Variants in RFTN1 observed in about 807,000 individuals in gnomAD.
RFTN1 encodes the protein raftlin.
A neutral mutation model predicts 46.5 loss-of-function variants in RFTN1; 26 were observed. The ratio of observed to expected loss-of-function variants is 0.56; its 90% CI spans 0.41 to 0.78. RFTN1 has a LOEUF of 0.78. Among genes scored for constraint, RFTN1 ranks in the 30% least tolerant of loss-of-function variants. The pLI is 0.00. For synonymous variants in RFTN1, 261 were observed against 284.2 expected (o/e 0.92, Z 0.82); for missense variants, 693 against 718.7 (o/e 0.96, Z 0.41).
At position 16,368,299 on chromosome 3, in the gene RFTN1, G is replaced by A. The variant is rs577610068; in HGVS notation, c.1030+1777C>T. 1.2e-4 allele frequency among the ~76,000 whole-genome samples: 18 copies of A among 152,344 alleles called. 1 individual carries two copies. The South Asian group carries it at 3.5e-3, about 30-fold the overall frequency. ...TTGGGGAACTTTGTAAGTACCCACGGAGGGCTTCCTTGTGTAGAGGGAGGT... is the reference window on the plus strand; with the variant it reads ...TTGGGGAACTTTGTAAGTACCCACGAAGGGCTTCCTTGTGTAGAGGGAGGT... On this transcript the variant is annotated intron_variant, in intron 6 of 9. Transcript: ENST00000334133.
At chr3:16,476,688 G>C (rs2076285984) in intron 2 of RFTN1, among the ~76,000 whole-genome samples, 1 of 152,110 alleles carries the variant, frequency 6.6e-6, no homozygotes, top group African/African-American at 2.4e-5. Context: ...AAACACCCTG[G>C]GTCATGTGCT....
intron 3 of RFTN1, among the ~76,000 whole-genome samples, chr3:16,412,528 C>G (rs1474842256): frequency 6.6e-6 from 1 of 152,244 alleles, no homozygotes; most frequent in Admixed American, 6.5e-5. Flanking sequence ...GGCTTCTCAG[C>G]ACTGGAGGTG....
intron 8 of RFTN1, among the ~76,000 whole-genome samples, chr3:16,326,466 G>A (rs974808202): frequency 1.3e-5 from 2 of 152,216 alleles, no homozygotes; most frequent in Admixed American, 6.5e-5. Context: ...GCACATAGTA[G>A]GTGCTGAATT....
intron 4 of RFTN1, among the ~76,000 whole-genome samples, chr3:16,388,392 C>T (rs2125398150): frequency 6.6e-6 from 1 of 152,334 alleles, no homozygotes; most frequent in Admixed American, 6.5e-5. Flanking sequence ...ATTAAATTTG[C>T]AGTATCTGAG....
rs1436105083 is a variant in RFTN1, at chr3:16,337,753, A to AG, written c.1147-10878_1147-10877insC. Reference sequence around the variant, plus strand: ...GAGACTCCATCTCAAAAAAAAAAAAAAAAAGAAAAGAAAGTCACCTCATTT... The same window carrying AG: ...GAGACTCCATCTCAAAAAAAAAAAAAGAAAAGAAAAGAAAGTCACCTCATTT... On this transcript the variant is annotated intron_variant, in intron 7 of 9. Transcript: ENST00000334133. This position sits in a 1 kb window ranked among gnomAD's most constrained non-coding sequence, Gnocchi z 5.0. Among the ~76,000 whole-genome samples, 3 of 152,040 alleles carry AG rather than the reference A, an allele frequency of 2.0e-5. No homozygotes were observed. Among genetic ancestry groups the AG allele is most frequent in the East Asian group, 1.9e-4 (1 of 5,168 alleles).
Position 16,496,689 on chromosome 3 carries a change from G to A in RFTN1, c.-8-2812C>T, listed in dbSNP as rs541491497. Among the ~76,000 whole-genome samples, 5 of 152,252 alleles carry A rather than the reference G, an allele frequency of 3.3e-5. No individual in the cohort carries two copies. The South Asian group carries it at 6.2e-4, about 19-fold the overall frequency. On this transcript the variant is annotated intron_variant, in intron 1 of 9. Transcript: ENST00000334133. ...CTGACAATATGTTGGAAAGCTGAAC[G>A]CATGCCTATCCTGTGACCCGGAAAT...
At chr3:16,463,318 AC>A (rs1351645598) in intron 2 of RFTN1, among the ~76,000 whole-genome samples, 1 of 151,948 alleles carries the variant, frequency 6.6e-6, no homozygotes, top group African/African-American at 2.4e-5. Context: ...CATATCTTAG[AC>A]TTTTCACTGT....
chr3:16,365,042 T>A (rs1044011237), intron 6 of RFTN1, among the ~76,000 whole-genome samples: 1 of 152,248 alleles, frequency 6.6e-6, no homozygotes, highest in Admixed American at 6.5e-5. Flanking sequence ...AAAGTTTTTT[T>A]AAAGGTGTCC....
At chr3:16,417,103 G>A (rs1575258706) in intron 3 of RFTN1, among the ~76,000 whole-genome samples, 1 of 150,646 alleles carries the variant, frequency 6.6e-6, no homozygotes, top group African/African-American at 2.4e-5. Context: ...TCAACTTCCT[G>A]GGCTCAAGCA....
intron 4 of RFTN1, among the ~76,000 whole-genome samples, chr3:16,390,699 T>TA (rs1281474315): frequency 3.9e-5 from 6 of 152,132 alleles, no homozygotes; most frequent in African/African-American, 1.4e-4. Flanking sequence ...GCTTGAAACT[T>TA]AAAAAATATA....
In RFTN1 at chr3:16,336,448, A is replaced by AC. The variant is rs2070856228; in HGVS notation, c.1147-9573dup. Among the ~76,000 whole-genome samples, 1 of 152,232 alleles carries AC rather than the reference A, an allele frequency of 6.6e-6. No individual in the cohort carries two copies. On this transcript the variant is annotated intron_variant, in intron 7 of 9. Coordinates refer to ENST00000334133, the MANE Select transcript of RFTN1 (RefSeq NM_015150.2). This position sits in a 1 kb window ranked among gnomAD's most constrained non-coding sequence, Gnocchi z 6.0. ...AACAGCAAAGCCCTCTGCAGCCAGC[A>AC]CAGCTGGCCTTCCTCACCCTCAGCC...
chr3:16,378,779 G>T (rs79912454), intron 4 of RFTN1, among the ~76,000 whole-genome samples: 1 of 129,598 alleles, frequency 7.7e-6, no homozygotes, highest in African/African-American at 3.1e-5. Flanking sequence ...ACTGACTCTT[G>T]GCTCTCCAAG....
chr3:16,349,442 T>C (rs1045676328), intron 7 of RFTN1: 4 of 152,298 alleles, frequency 2.6e-5, no homozygotes, highest in African/African-American at 7.2e-5. Flanking sequence ...AGGAGGAATG[T>C]TGAGCCTGGA....
chr3:16,456,890 A>G (rs1233362626), intron 2 of RFTN1, among the ~76,000 whole-genome samples: 1 of 152,226 alleles, frequency 6.6e-6, no homozygotes, highest in East Asian at 1.9e-4. Flanking sequence ...CCACTGACCT[A>G]GAGTCATGTC....
At chr3:16,477,923 A>G (rs2076308752) in intron 2 of RFTN1, among the ~76,000 whole-genome samples, 1 of 152,266 alleles carries the variant, frequency 6.6e-6, no homozygotes, top group Non-Finnish European at 1.5e-5. Flanking sequence ...CAACAGGCCC[A>G]TGGCATGAAA....
At chr3:16,330,179 G>A (rs1374521708) in intron 7 of RFTN1, among the ~76,000 whole-genome samples, 2 of 152,174 alleles carry the variant, frequency 1.3e-5, no homozygotes, top group Non-Finnish European at 2.9e-5. Context: ...AATCTCACGT[G>A]TTAATTTCTG....
At chr3:16,325,976 T>C (rs1374631719) in intron 8 of RFTN1, among the ~76,000 whole-genome samples, 1 of 152,242 alleles carries the variant, frequency 6.6e-6, no homozygotes, top group African/African-American at 2.4e-5. Context: ...TGCCTGATTC[T>C]GCAGACTGAG....
Position 16,459,711 on chromosome 3 carries a change from C to T in RFTN1, c.146-25674G>A, listed in dbSNP as rs1328813676. Among the ~76,000 whole-genome samples, 1 of 152,004 alleles carries T rather than the reference C, an allele frequency of 6.6e-6. No individual in the cohort carries two copies. Among genetic ancestry groups the T allele is most frequent in the Non-Finnish European group, 1.5e-5 (1 of 68,014 alleles). On this transcript the variant is annotated intron_variant, in intron 2 of 9. Coordinates refer to ENST00000334133, the MANE Select transcript of RFTN1 (RefSeq NM_015150.2). This position sits in a 1 kb window ranked among gnomAD's most constrained non-coding sequence, Gnocchi z 4.2. ...CTAGTCCATGTGCAGAATTCACTTG[C>T]TTAAATAAGCCATCACTTATATCTA...
intron 2 of RFTN1, among the ~76,000 whole-genome samples, chr3:16,444,147 C>T (rs1575301513): frequency 1.3e-5 from 2 of 152,292 alleles, no homozygotes; most frequent in East Asian, 3.9e-4. Context: ...CCAAGAAGAG[C>T]TTTTTGTGAG....
Sources: gnomAD v4.1 joint callset for allele counts (sites outside exome capture counted in the v4.1 genomes callset) on GRCh38, gnomAD v4.1.1 for gene constraint, Gnocchi (gnomAD v3.1) non-coding constraint, MANE v1.5 for transcripts, NCBI Gene and HGNC (gene_info 2026-07-23, HGNC 2026-07-21) for gene names.